LOC128706666: variants seen among roughly 807,000 people sequenced by gnomAD.
chr20:10,427,081 A>ACACACACACACACACACACAC, the LOC128706666 span, among the ~76,000 whole-genome samples: 3 of 85,700 alleles, frequency 3.5e-5, 1 homozygote. Context: ...CACACACACA[A>ACACACACACACACACACACAC]AGTAAGGTTA....
At chr20:10,432,689 G>A in the LOC128706666 span, among the ~76,000 whole-genome samples, 12 of 149,578 alleles carry the variant, frequency 8.0e-5, no homozygotes, top group African/African-American at 2.7e-4. Context: ...AAACTTCTCC[G>A]GAGGCTAAGG....
the LOC128706666 span, among the ~76,000 whole-genome samples, chr20:10,432,768 C>T: frequency 1.7e-5 from 2 of 119,406 alleles, no homozygotes; most frequent in South Asian, 2.8e-4. Flanking sequence ...TCAGCCTGCG[C>T]GACAGAGCGA....
the LOC128706666 span, among the ~76,000 whole-genome samples, chr20:10,433,282 G>A: frequency 3.9e-5 from 6 of 152,214 alleles, no homozygotes; most frequent in Non-Finnish European, 7.3e-5. Flanking sequence ...GGGGTTACAG[G>A]GGTGAGCCAC....
chr20:10,423,310 G>C, the LOC128706666 span, among the ~76,000 whole-genome samples: 1 of 152,032 alleles, frequency 6.6e-6, no homozygotes, highest in African/African-American at 2.4e-5. Flanking sequence ...TTCTAGCTGC[G>C]TGGGGGGTGC....
At chr20:10,425,754 C>A in the LOC128706666 span, among the ~76,000 whole-genome samples, 1 of 152,156 alleles carries the variant, frequency 6.6e-6, no homozygotes, top group Non-Finnish European at 1.5e-5. Flanking sequence ...GTTTGATGCT[C>A]ATTTATTGAA....
At chr20:10,414,468 T>C in the LOC128706666 span, among the ~76,000 whole-genome samples, 1 of 152,058 alleles carries the variant, frequency 6.6e-6, no homozygotes, top group Non-Finnish European at 1.5e-5. Flanking sequence ...TTTCTCCATG[T>C]TTGCCAGGTT....
At chr20:10,424,670 A>G in the LOC128706666 span, among the ~76,000 whole-genome samples, 1 of 152,206 alleles carries the variant, frequency 6.6e-6, no homozygotes, top group Non-Finnish European at 1.5e-5. Flanking sequence ...ACTCTTGCAG[A>G]GCTTTTACTT....
the LOC128706666 span, among the ~76,000 whole-genome samples, chr20:10,423,280 A>G: frequency 6.6e-6 from 1 of 152,114 alleles, no homozygotes; most frequent in Non-Finnish European, 1.5e-5. Flanking sequence ...TTAGCTGGGC[A>G]TGGTGGCGCA....
the LOC128706666 span, among the ~76,000 whole-genome samples, chr20:10,422,669 G>A: frequency 6.6e-6 from 1 of 151,830 alleles, no homozygotes; most frequent in Non-Finnish European, 1.5e-5. Context: ...AGGTGACTTT[G>A]GCACCTCTAT....
the LOC128706666 span, among the ~76,000 whole-genome samples, chr20:10,428,546 A>C: frequency 1.3e-5 from 2 of 152,146 alleles, no homozygotes; most frequent in African/African-American, 4.8e-5. Flanking sequence ...CTCTCAACTA[A>C]ATCTTCTTTC....
chr20:10,427,283 TG>T, the LOC128706666 span, among the ~76,000 whole-genome samples: 4 of 152,240 alleles, frequency 2.6e-5, no homozygotes, highest in South Asian at 8.3e-4. Context: ...TTGGGCTTGC[TG>T]GGCGCCATCT....
the LOC128706666 span, among the ~76,000 whole-genome samples, chr20:10,429,058 T>C: frequency 6.6e-6 from 1 of 152,178 alleles, no homozygotes; most frequent in African/African-American, 2.4e-5. Flanking sequence ...ACAAATTCCC[T>C]AAGGCAACTG....
chr20:10,424,818 G>A, the LOC128706666 span, among the ~76,000 whole-genome samples: 5 of 152,148 alleles, frequency 3.3e-5, no homozygotes, highest in Admixed American at 6.5e-5. Flanking sequence ...TTGGGAGGCC[G>A]AGGCAGGTGG....
At chr20:10,423,042 C>T in the LOC128706666 span, among the ~76,000 whole-genome samples, 1 of 152,048 alleles carries the variant, frequency 6.6e-6, no homozygotes, top group East Asian at 1.9e-4. Context: ...AGAGCCATTT[C>T]TGCCATTCAC....
At chr20:10,434,174 AGCCGCTGCT>A in the LOC128706666 span, 2 of 152,494 alleles carry the variant, frequency 1.3e-5, no homozygotes, top group Admixed American at 1.3e-4. Flanking sequence ...GATCTCAAGC[AGCCGCTGCT>A]GCCGCGGATC....
the LOC128706666 span, among the ~76,000 whole-genome samples, chr20:10,433,683 G>A: frequency 6.6e-6 from 1 of 152,134 alleles, no homozygotes; most frequent in Non-Finnish European, 1.5e-5. Flanking sequence ...CTCTAACGCC[G>A]TCGGAGGGCG....
At chr20:10,416,030 T>C in the LOC128706666 span, among the ~76,000 whole-genome samples, 1 of 152,168 alleles carries the variant, frequency 6.6e-6, no homozygotes, top group Non-Finnish European at 1.5e-5. Flanking sequence ...AGAACATGTT[T>C]GGAAGTATCA....
chr20:10,430,937 T>C, the LOC128706666 span, among the ~76,000 whole-genome samples: 3 of 152,210 alleles, frequency 2.0e-5, no homozygotes, highest in African/African-American at 4.8e-5. Context: ...AGCAAAAGCA[T>C]TGAGTAATGG....
chr20:10,427,238 A>T, the LOC128706666 span, among the ~76,000 whole-genome samples: 1 of 152,222 alleles, frequency 6.6e-6, no homozygotes, highest in African/African-American at 2.4e-5. Context: ...ACTTGGATGC[A>T]GGGAATGTTA....
Sources: allele counts gnomAD v4.1 joint callset (sites outside exome capture counted in the v4.1 genomes callset), GRCh38; gene constraint gnomAD v4.1.1; transcripts MANE v1.5.